Variants in COBL observed in about 807,000 individuals in gnomAD.
COBL encodes the protein cordon-bleu WH2 repeat protein, also known as protein cordon-bleu.
Under a neutral mutation model 98.8 loss-of-function variants are expected in COBL, and 51 were observed. The observed-to-expected ratio is 0.52, with a 90% confidence interval of 0.41 to 0.65. COBL has a LOEUF of 0.65. Among genes scored for constraint, COBL ranks in the 30% least tolerant of loss-of-function variants. The pLI, the probability that COBL is intolerant of heterozygous loss-of-function variation, is 0.00. For synonymous variants in COBL, 634 were observed against 651.7 expected (o/e 0.97, Z 0.41); for missense variants, 1,617 against 1,617.5 (o/e 1.00, Z 0.01).
At chr7:51,157,971 GGACA>G (rs1786360781) in intron 5 of COBL, among the ~76,000 whole-genome samples, 1 of 152,142 alleles carries the variant, frequency 6.6e-6, no homozygotes, top group Non-Finnish European at 1.5e-5. Context: ...TGTTGTTAAT[GGACA>G]GACAGCCTTT....
chr7:51,202,529 A>T lies in COBL; in HGVS notation c.246-8940T>A, dbSNP rs961349550. Among the ~76,000 whole-genome samples the T allele has an allele frequency of 4.6e-5, 7 of 152,344 alleles. No homozygotes were observed. The East Asian group carries it at 7.7e-4, about 17-fold the overall frequency. On this transcript the variant is annotated intron_variant, in intron 2 of 12. Coordinates refer to ENST00000265136, the MANE Select transcript of COBL (RefSeq NM_015198.5). ...ATCTGTGGTTTCAAGCATCCACCAG[A>T]GGTTTTAGAACAAATCCCCCACAGA...
intron 2 of COBL, among the ~76,000 whole-genome samples, chr7:51,201,256 A>G (rs1584148137): frequency 6.9e-6 from 1 of 145,280 alleles, no homozygotes; most frequent in Non-Finnish European, 1.5e-5. Context: ...AAAAAAAAAA[A>G]GAAAGAAAGA....
intron 5 of COBL, among the ~76,000 whole-genome samples, chr7:51,166,519 A>C (rs1450710270): frequency 6.6e-6 from 1 of 152,110 alleles, no homozygotes; most frequent in Non-Finnish European, 1.5e-5. Context: ...AAATTCTCCC[A>C]AACATTTAAA....
chr7:51,082,012 A>C (rs1793707561), intron 7 of COBL, among the ~76,000 whole-genome samples: 1 of 152,164 alleles, frequency 6.6e-6, no homozygotes, highest in African/African-American at 2.4e-5. Context: ...AAGGGTGGAA[A>C]AGAAGTACTT....
At chr7:51,043,335 C>T (rs998189510) in intron 8 of COBL, 48 bp downstream of exon 8, 1 of 1,562,122 alleles carries the variant, frequency 6.4e-7, no homozygotes, top group Non-Finnish European at 8.8e-7. Context: ...TTTAGAGACA[C>T]AGATGTGGCT....
intron 5 of COBL, among the ~76,000 whole-genome samples, chr7:51,151,047 A>C (rs1290293653): frequency 1.3e-5 from 2 of 152,108 alleles, no homozygotes; most frequent in Non-Finnish European, 2.9e-5. Context: ...AGGGCAAGAA[A>C]ATGAGTCAGT....
At chr7:51,300,140 C>CTGTTTTGTTTTGTTTTGTTTTGTTT (rs113190272) in intron 1 of COBL, among the ~76,000 whole-genome samples, 2 of 148,248 alleles carry the variant, frequency 1.3e-5, no homozygotes, top group Non-Finnish European at 3.0e-5. Context: ...GTTTGCTTTT[C>CTGTTTTGTTTTGTTTTGTTTTGTTT]TGTTTTGTTT....
At chr7:51,296,917 G>A (rs1801464806) in intron 1 of COBL, among the ~76,000 whole-genome samples, 1 of 152,148 alleles carries the variant, frequency 6.6e-6, no homozygotes, top group Non-Finnish European at 1.5e-5. Flanking sequence ...TTGGGAGCTG[G>A]AACAACATCT....
At chr7:51,132,409 C>T (rs373477161) in intron 6 of COBL, among the ~76,000 whole-genome samples, 26 of 152,228 alleles carry the variant, frequency 1.7e-4, no homozygotes, top group East Asian at 7.7e-4. Flanking sequence ...CTACAGCAAT[C>T]ACTGGCTAGT....
intron 6 of COBL, among the ~76,000 whole-genome samples, chr7:51,098,220 G>GTTTTTTTTTTTTTT (rs1276606651): frequency 1.7e-4 from 9 of 52,304 alleles, no homozygotes; most frequent in African/African-American, 7.8e-4. Context: ...CCCAATAGCA[G>GTTTTTTTTTTTTTT]TTTCTTTTTT....
intron 6 of COBL, among the ~76,000 whole-genome samples, chr7:51,103,380 T>C (rs1795981549): frequency 1.3e-5 from 2 of 152,156 alleles, no homozygotes; most frequent in African/African-American, 2.4e-5. Context: ...ATCCTCTAAA[T>C]AGCATATATA....
Position 51,026,567 on chromosome 7 carries a change from G to T in COBL, c.3483C>A (p.Ser1161Arg), listed in dbSNP as rs143768301. 33 of 1,613,912 alleles carry T rather than the reference G, an allele frequency of 2.0e-5. No homozygotes were observed. Among genetic ancestry groups the T allele is most frequent in the Non-Finnish European group, 2.3e-5 (27 of 1,180,014 alleles). The change falls in exon 11 of 13, where the codon AGC becomes AGA. Residue 1161 changes from serine (S) to arginine (R), a missense_variant. Transcript: ENST00000265136. ...TTACCTTCCTCAGGCTGCAGGTGCC[G>T]CTGTGCCCGCGGATAGCTGCCAGCA... is the stretch of plus-strand genomic sequence containing the variant. ...SALLAAIRGH[S>R]GTCSLRKVAS...
chr7:51,298,666 C>T (rs940126566), intron 1 of COBL, among the ~76,000 whole-genome samples: 2 of 152,142 alleles, frequency 1.3e-5, no homozygotes, highest in East Asian at 1.9e-4. Flanking sequence ...CAAATGAATA[C>T]ACAGATGTTG....
At chr7:51,167,688 T>G (rs1787461130) in intron 5 of COBL, among the ~76,000 whole-genome samples, 2 of 152,156 alleles carry the variant, frequency 1.3e-5, no homozygotes, top group African/African-American at 4.8e-5. Context: ...TACTACAGAA[T>G]TATTATAACC....
intron 1 of COBL, among the ~76,000 whole-genome samples, chr7:51,243,734 C>A (rs760761853): frequency 2.6e-5 from 4 of 152,134 alleles, no homozygotes; most frequent in Admixed American, 6.5e-5. Context: ...TAGTGATTGT[C>A]GGAGTTGGGG....
intron 1 of COBL, among the ~76,000 whole-genome samples, chr7:51,267,870 G>A (rs531706787): frequency 7.2e-5 from 11 of 152,046 alleles, no homozygotes; most frequent in South Asian, 2.1e-4. Context: ...CACCACACCC[G>A]GCCAAAAAAA....
intron 6 of COBL, among the ~76,000 whole-genome samples, chr7:51,128,263 C>G (rs1265642225): frequency 6.6e-6 from 1 of 152,208 alleles, no homozygotes; most frequent in Non-Finnish European, 1.5e-5. Flanking sequence ...CAGATAACAA[C>G]AGACATCATA....
chr7:51,132,556 C>A (rs1798845372), intron 6 of COBL, among the ~76,000 whole-genome samples: 1 of 152,180 alleles, frequency 6.6e-6, no homozygotes, highest in African/African-American at 2.4e-5. Context: ...AGTGAGGAAA[C>A]CATGAGCAAA....
chr7:51,086,852 C>T (rs1293883457), intron 6 of COBL, among the ~76,000 whole-genome samples: 1 of 151,998 alleles, frequency 6.6e-6, no homozygotes, highest in Non-Finnish European at 1.5e-5. Flanking sequence ...TAACCACCTC[C>T]TATACCTCTA....
Sources: gnomAD v4.1 joint callset for allele counts (sites outside exome capture counted in the v4.1 genomes callset) on GRCh38, gnomAD v4.1.1 for gene constraint, MANE v1.5 for transcripts, NCBI Gene and HGNC (gene_info 2026-07-23, HGNC 2026-07-21) for gene names.